Variants in CNBD1 observed in about 807,000 individuals in gnomAD.
CNBD1 encodes cyclic nucleotide binding domain containing 1.
CNBD1 carries 71 observed loss-of-function variants against 54.4 expected under a neutral mutation model. The observed-to-expected ratio is 1.30, with a 90% CI of 1.08 to 1.59. The LOEUF (loss-of-function observed/expected upper bound fraction) is 1.59. Among genes scored for constraint, CNBD1 ranks in the 40% most tolerant of loss-of-function variants. The probability of loss-of-function intolerance (pLI) is 0.00; values close to 1 mark genes in which losing one functional copy is unlikely to be tolerated. For synonymous variants in CNBD1, 182 were observed against 170.7 expected, an observed-to-expected ratio of 1.07 and a Z score of -0.51; for missense variants, 659 against 518.0, an observed-to-expected ratio of 1.27 and a Z score of -2.64.
At chr8:87,422,041 C>T (rs200839472) in intron 2 of CNBD1, among the ~76,000 whole-genome samples, 4 of 147,834 alleles carry the variant, frequency 2.7e-5, no homozygotes, top group South Asian at 2.1e-4. Context: ...ATGAGCATTT[C>T]TTCATGTGTT....
At chr8:87,186,614 A>G (rs1000581152) in intron 4 of CNBD1, among the ~76,000 whole-genome samples, 1 of 152,086 alleles carries the variant, frequency 6.6e-6, no homozygotes, top group Non-Finnish European at 1.5e-5. Flanking sequence ...TTTATATCTT[A>G]TTTTAATCAA....
chr8:87,354,337 C>A (rs1178035686), intron 10 of CNBD1, among the ~76,000 whole-genome samples: 1 of 151,982 alleles, frequency 6.6e-6, no homozygotes, highest in Admixed American at 6.6e-5. Context: ...TTCAGGGGTA[C>A]TTGGTGGATC....
intron 6 of CNBD1, among the ~76,000 whole-genome samples, chr8:87,246,110 A>T (rs953751791): frequency 9.9e-5 from 15 of 151,954 alleles, no homozygotes; most frequent in Admixed American, 2.6e-4. Flanking sequence ...TTGCCTTGGG[A>T]TTCTTTACTC....
intron 5 of CNBD1, among the ~76,000 whole-genome samples, chr8:87,236,331 T>A (rs1807584165): frequency 6.6e-6 from 1 of 152,078 alleles, no homozygotes; most frequent in Non-Finnish European, 1.5e-5. Flanking sequence ...AGTTTAACTT[T>A]AGGAATTGGG....
rs751448210 is a variant in CNBD1 at position 86,866,541 on chromosome 8, G to A, written c.46G>A (p.Ala16Thr). The change falls in exon 1 of 11, where the codon GCT becomes ACT. Residue 16 changes from alanine (A) to threonine (T), a missense_variant. By Grantham distance (58) the Ala-to-Thr change is moderately conservative. Coordinates refer to ENST00000518476, the MANE Select transcript of CNBD1 (RefSeq NM_173538.3). Reference protein sequence around the residue: ...LPAAILSHMTAINNVPPPPLH... With the variant: ...LPAAILSHMTTINNVPPPPLH... ...AGCAGCTATTTTGTCTCACATGACA[G>A]CTATTAACAATGTGCCTCCTCCTCC... The A allele has an allele frequency of 1.7e-5, 28 of 1,612,066 alleles. No individual in the cohort carries two copies. In the Admixed American group the frequency reaches 4.3e-4, roughly 25 times the overall value.
chr8:87,009,800 A>G (rs1318909977), intron 4 of CNBD1, among the ~76,000 whole-genome samples: 1 of 152,124 alleles, frequency 6.6e-6, no homozygotes, highest in Non-Finnish European at 1.5e-5. Context: ...GCTTTTGTTT[A>G]TCTTAAGCAT....
intron 8 of CNBD1, among the ~76,000 whole-genome samples, chr8:87,286,973 T>C (rs906035805): frequency 1.1e-4 from 17 of 151,992 alleles, no homozygotes; most frequent in Non-Finnish European, 2.5e-4. Flanking sequence ...CTGAAAAGGA[T>C]AAATACTAGA....
rs1227875480 is a variant in CNBD1, at chr8:87,166,729, G to C, written c.432-39264G>C. On this transcript the variant is annotated intron_variant, in intron 4 of 10. Transcript: ENST00000518476. This position sits in a 1 kb window ranked among gnomAD's most constrained non-coding sequence, Gnocchi z 4.3. ...GGACAGTTCTTTCCTAACTAGGCTT[G>C]TTACAAAATTTTATGACAGCCTCCG... 6.6e-6 allele frequency among the ~76,000 whole-genome samples: 1 copy of C among 151,714 alleles called. No individual in the cohort carries two copies. Among genetic ancestry groups the C allele is most frequent in the African/African-American group, 2.4e-5 (1 of 41,364 alleles).
intron 6 of CNBD1, among the ~76,000 whole-genome samples, chr8:87,267,158 A>C (rs569439795): frequency 6.6e-6 from 1 of 152,332 alleles, no homozygotes; most frequent in East Asian, 1.9e-4. Flanking sequence ...ACAAATCAAA[A>C]AGGACAATAT....
intron 4 of CNBD1, among the ~76,000 whole-genome samples, chr8:87,109,638 A>G (rs1049101887): frequency 1.3e-5 from 2 of 148,520 alleles, no homozygotes; most frequent in Non-Finnish European, 3.0e-5. Flanking sequence ...TCCTGGGTTC[A>G]CGCCATTCTC....
In CNBD1 at chr8:87,405,380, T is replaced by G. The variant is rs527551618; in HGVS notation, c.214-23166T>G. ...TGGCATTATTATAATTAGTATTATT[T>G]ACAAACAGATGATTAAGTCAGGAAA... is the stretch of plus-strand genomic sequence containing the variant. On this transcript the variant is annotated intron_variant, in intron 2 of 7. Coordinates refer to the CNBD1 transcript ENST00000521593. 5.3e-5 allele frequency among the ~76,000 whole-genome samples: 8 copies of G among 152,250 alleles called. No individual in the cohort carries two copies. In the South Asian group the frequency reaches 1.7e-3, roughly 31 times the overall value.
chr8:86,958,172 G>T (rs564350840), intron 4 of CNBD1, among the ~76,000 whole-genome samples: 1 of 152,292 alleles, frequency 6.6e-6, no homozygotes, highest in East Asian at 1.9e-4. Context: ...GTTCTAGTTT[G>T]ATTGCATTGT....
intron 8 of CNBD1, among the ~76,000 whole-genome samples, chr8:87,322,252 C>T (rs562824056): frequency 0.01 from 1,265 of 122,232 alleles, 209 homozygotes; most frequent in Non-Finnish European, 0.018. Context: ...TGAATAATGC[C>T]GCAATAAACA....
intron 2 of CNBD1, among the ~76,000 whole-genome samples, chr8:87,415,133 T>C (rs148232122): frequency 6.6e-6 from 1 of 152,190 alleles, no homozygotes; most frequent in African/African-American, 2.4e-5. Context: ...CTTTACCACA[T>C]GTACATTGAT....
At chr8:87,203,185 A>G (rs551266723) in intron 4 of CNBD1, among the ~76,000 whole-genome samples, 1 of 152,348 alleles carries the variant, frequency 6.6e-6, no homozygotes, top group Non-Finnish European at 1.5e-5. Context: ...ATCTACAGAA[A>G]GAATATCAGA....
chr8:87,114,037 T>A (rs1811721153), intron 4 of CNBD1, among the ~76,000 whole-genome samples: 1 of 152,178 alleles, frequency 6.6e-6, no homozygotes, highest in Non-Finnish European at 1.5e-5. Context: ...AAAAGTATAA[T>A]ATTTAAAATG....
chr8:87,329,870 C>G (rs1232347749), intron 8 of CNBD1, among the ~76,000 whole-genome samples: 3 of 151,872 alleles, frequency 2.0e-5, no homozygotes, highest in Non-Finnish European at 2.9e-5. Flanking sequence ...ACTTCCAAAT[C>G]CATATATATT....
chr8:87,369,985 T>A (rs1313139385), intron 10 of CNBD1, among the ~76,000 whole-genome samples: 1 of 152,102 alleles, frequency 6.6e-6, no homozygotes, highest in Non-Finnish European at 1.5e-5. Context: ...GTGTTTGGTT[T>A]TTTGTCCCTG....
chr8:87,421,727 A>G (rs1469830440), intron 2 of CNBD1, among the ~76,000 whole-genome samples: 6 of 150,154 alleles, frequency 4.0e-5, no homozygotes, highest in African/African-American at 1.2e-4. Context: ...TAATGCCACA[A>G]TAAACATACG....
Sources: allele counts gnomAD v4.1 joint callset (sites outside exome capture counted in the v4.1 genomes callset), GRCh38; gene constraint gnomAD v4.1.1; non-coding constraint Gnocchi (gnomAD v3.1); transcripts MANE v1.5; gene names NCBI Gene and HGNC (gene_info 2026-07-23, HGNC 2026-07-21).